Variants in TRMT9B observed in about 807,000 individuals in gnomAD.
The protein encoded by TRMT9B is probable tRNA methyltransferase 9B.
Under a neutral mutation model 11.5 loss-of-function variants are expected in TRMT9B, and 16 were observed. That is an observed-to-expected ratio of 1.39 (90% CI 0.94 to 2.11). The LOEUF (loss-of-function observed/expected upper bound fraction) is 2.11, where lower values mean the gene tolerates loss of function less well. Among genes scored for constraint, TRMT9B ranks in the 30% most tolerant of loss-of-function variants. The pLI, the probability that TRMT9B is intolerant of heterozygous loss-of-function variation, is 0.00. For missense variants in TRMT9B, 941 were observed against 553.8 expected (o/e 1.70, Z -7.02); for synonymous variants, 274 against 192.4 (o/e 1.42, Z -3.51).
At chr8:13,019,545 C>T (rs1290141304) in intron 4 of TRMT9B, among the ~76,000 whole-genome samples, 3 of 152,192 alleles carry the variant, frequency 2.0e-5, no homozygotes, top group African/African-American at 7.2e-5. Flanking sequence ...CCGCCCACCT[C>T]AGCCTCCCAA....
chr8:13,010,157 C>A, intron 3 of TRMT9B: 5 of 707,264 alleles, frequency 7.1e-6, no homozygotes, highest in East Asian at 1.3e-4. Context: ...AAAAAAGTCT[C>A]ACAAATAATA....
chr8:12,989,785 C>T (rs1028418892), intron 1 of TRMT9B, among the ~76,000 whole-genome samples: 1 of 152,202 alleles, frequency 6.6e-6, no homozygotes, highest in Non-Finnish European at 1.5e-5. Flanking sequence ...TCTAAAATTG[C>T]ATGAGGAAAG....
chr8:13,017,941 G>C (rs1347646106), intron 4 of TRMT9B, among the ~76,000 whole-genome samples: 1 of 151,406 alleles, frequency 6.6e-6, no homozygotes, highest in Non-Finnish European at 1.5e-5. Context: ...TTTTTCTTAA[G>C]AACATTTGGC....
intron 4 of TRMT9B, among the ~76,000 whole-genome samples, chr8:13,013,975 T>G (rs1812149920): frequency 6.6e-6 from 1 of 152,056 alleles, no homozygotes; most frequent in African/African-American, 2.4e-5. Context: ...TAAAAACTAT[T>G]TGATTAATAA....
intron 2 of TRMT9B, among the ~76,000 whole-genome samples, chr8:13,002,685 C>T (rs1393158384): frequency 6.6e-6 from 1 of 152,046 alleles, no homozygotes; most frequent in Non-Finnish European, 1.5e-5. Context: ...TATCATCATT[C>T]GGTGATACTT....
In TRMT9B at chr8:13,010,854, G is replaced by A. The variant is rs917020691; in HGVS notation, c.155-1830G>A. On this transcript the variant is annotated intron_variant, in intron 3 of 4. Transcript: ENST00000524591. Reference sequence around the variant, plus strand: ...ACTTTGTGAATTATATTTTCCCCATGATTGCCTTCAAACAGAGGGTACTTT... The same window carrying A: ...ACTTTGTGAATTATATTTTCCCCATAATTGCCTTCAAACAGAGGGTACTTT... 35 of 980,536 alleles carry A rather than the reference G, an allele frequency of 3.6e-5. No homozygotes were observed. The African/African-American group carries it at 6.0e-4, about 17-fold the overall frequency. The allele number at this position is 980,536 out of a possible 1,614,324, so 60.7% of individuals were successfully genotyped here. A position where few individuals can be genotyped will look rare whatever the true frequency, so the allele number is the denominator to read the frequency against.
intron 3 of TRMT9B, chr8:13,011,026 C>T (rs12676266): frequency 2.7e-6 from 2 of 739,040 alleles, no homozygotes; most frequent in Non-Finnish European, 3.3e-6. Flanking sequence ...CTGTCATCAC[C>T]TAGGCTGGAG....
chr8:12,968,732 C>T (rs1803169525), intron 1 of TRMT9B, among the ~76,000 whole-genome samples: 2 of 152,158 alleles, frequency 1.3e-5, no homozygotes, highest in South Asian at 4.1e-4. Flanking sequence ...TGCACCCCTA[C>T]CTCTCACAGG....
At chr8:12,964,730 A>T (rs1411564096) in intron 1 of TRMT9B, among the ~76,000 whole-genome samples, 1 of 147,698 alleles carries the variant, frequency 6.8e-6, no homozygotes, top group African/African-American at 2.5e-5. Flanking sequence ...ATGCCACCAC[A>T]CCAGGCTAAT....
At chr8:13,006,174 T>C (rs1165928312) in intron 2 of TRMT9B, 28 bp from the exon 3 acceptor site, 2 of 1,610,514 alleles carry the variant, frequency 1.2e-6, no homozygotes, top group East Asian at 2.2e-5. Context: ...CTGACCTGCA[T>C]GCCTTGGGTT....
chr8:12,988,812 A>T (rs920995871), intron 1 of TRMT9B, among the ~76,000 whole-genome samples: 117 of 152,282 alleles, frequency 7.7e-4, no homozygotes, highest in African/African-American at 2.5e-3. Flanking sequence ...TTTTTAGATG[A>T]TTATATCAAA....
chr8:12,968,036 C>T (rs985425230), intron 1 of TRMT9B, among the ~76,000 whole-genome samples: 1 of 152,182 alleles, frequency 6.6e-6, no homozygotes, highest in Non-Finnish European at 1.5e-5. Flanking sequence ...AGGCACACAC[C>T]ACCACACCCA....
intron 2 of TRMT9B, among the ~76,000 whole-genome samples, chr8:12,999,805 G>T (rs1585287533): frequency 1.3e-5 from 2 of 152,174 alleles, no homozygotes; most frequent in Admixed American, 1.3e-4. Context: ...AGGTGGAGAA[G>T]ACTGTAGGTA....
intron 4 of TRMT9B, among the ~76,000 whole-genome samples, chr8:13,014,288 C>G (rs1043249940): frequency 1.3e-5 from 2 of 152,146 alleles, no homozygotes; most frequent in Non-Finnish European, 2.9e-5. Context: ...TTGCAGCCTG[C>G]TATAGCAAAA....
intron 1 of TRMT9B, among the ~76,000 whole-genome samples, chr8:12,975,834 A>T (rs528019605): frequency 2.0e-5 from 3 of 152,194 alleles, no homozygotes; most frequent in African/African-American, 7.2e-5. Flanking sequence ...CACCACCACC[A>T]TATTTGCCAG....
At chr8:13,020,267 A>G (rs1339784614) in intron 4 of TRMT9B, among the ~76,000 whole-genome samples, 1 of 152,176 alleles carries the variant, frequency 6.6e-6, no homozygotes, top group Admixed American at 6.5e-5. Flanking sequence ...CTCTTGACAC[A>G]ATACCGTGAT....
rs1585454692 is a variant in TRMT9B at position 13,024,622 on chromosome 8, C to T, written c.*2578C>T. The T allele has an allele frequency of 6.0e-6, 1 of 167,016 alleles. No homozygotes were observed. The highest frequency in any genetic ancestry group is 1.5e-5 in the Non-Finnish European group (1 of 68,104). 10.3% of individuals were successfully genotyped at this position (167,016 alleles called of 1,614,324 possible). ...AACTCAGTTTACCAGACTCTTTAGCCTTTGAGCTAAACTGTCTGAGCAACC... is the reference window on the plus strand; with the variant it reads ...AACTCAGTTTACCAGACTCTTTAGCTTTTGAGCTAAACTGTCTGAGCAACC... On this transcript the variant is annotated 3_prime_UTR_variant, in exon 5 of 5. Coordinates refer to ENST00000524591, the MANE Select transcript of TRMT9B (RefSeq NM_020844.3).
At chr8:12,990,484 G>T (rs1054572595) in intron 1 of TRMT9B, among the ~76,000 whole-genome samples, 3 of 152,146 alleles carry the variant, frequency 2.0e-5, no homozygotes, top group Non-Finnish European at 4.4e-5. Flanking sequence ...GTACTGGAAT[G>T]ATTTAGTACA....
At chr8:12,954,261 C>T (rs1448988754) in intron 1 of TRMT9B, among the ~76,000 whole-genome samples, 3 of 152,322 alleles carry the variant, frequency 2.0e-5, no homozygotes, top group Non-Finnish European at 4.4e-5. Flanking sequence ...TATAGTATTT[C>T]TGATACGCGG....
Sources: gnomAD v4.1 joint callset for allele counts (sites outside exome capture counted in the v4.1 genomes callset) on GRCh38, gnomAD v4.1.1 for gene constraint, MANE v1.5 for transcripts, NCBI Gene and HGNC (gene_info 2026-07-23, HGNC 2026-07-21) for gene names.